NDST3: variants seen among roughly 807,000 people sequenced by gnomAD.
NDST3 encodes the protein bifunctional heparan sulfate N-deacetylase/N-sulfotransferase 3.
Under a neutral mutation model 96.1 loss-of-function variants are expected in NDST3, and 58 were observed. The ratio of observed to expected loss-of-function variants is 0.60; its 90% confidence interval spans 0.49 to 0.75. NDST3 has a LOEUF of 0.75. Among genes scored for constraint, NDST3 ranks in the 30% least tolerant of loss-of-function variants. NDST3 has a pLI of 0.00. For synonymous variants in NDST3, 333 were observed against 359.7 expected, an observed-to-expected ratio of 0.93 and a Z score of 0.84; for missense variants, 788 against 1,034.2, an observed-to-expected ratio of 0.76 and a Z score of 3.27.
At position 118,257,921 on chromosome 4, in the gene NDST3, G is replaced by A. The variant is rs932905573; in HGVS notation, c.*2209G>A. 1 of 152,174 alleles carries A rather than the reference G, an allele frequency of 6.6e-6. No individual in the cohort carries two copies. Among genetic ancestry groups the A allele is most frequent in the Non-Finnish European group, 1.5e-5 (1 of 68,030 alleles). The allele number at this position is 152,174 out of a possible 1,614,324, so 9.4% of individuals were successfully genotyped here. On this transcript the variant is annotated 3_prime_UTR_variant, in exon 14 of 14. Coordinates refer to ENST00000296499, the MANE Select transcript of NDST3 (RefSeq NM_004784.3). ...CACCAACTTAAGAAAACTGGCTTAG[G>A]AAGGTTAAACATGAGAATAGGCCTC... is the stretch of plus-strand genomic sequence containing the variant.
At chr4:118,094,238 G>A (rs1396908375) in intron 2 of NDST3, among the ~76,000 whole-genome samples, 3 of 151,862 alleles carry the variant, frequency 2.0e-5, no homozygotes, top group Admixed American at 6.6e-5. Context: ...CATCTGCAAT[G>A]TAATTCTAGT....
intron 4 of NDST3, among the ~76,000 whole-genome samples, chr4:118,130,932 C>T (rs1310476278): frequency 1.3e-5 from 2 of 152,202 alleles, no homozygotes; most frequent in South Asian, 2.1e-4. Context: ...GAAAAGTCTG[C>T]TTTCAGATGT....
chr4:118,167,914 A>G (rs1029215231), intron 6 of NDST3, among the ~76,000 whole-genome samples: 2 of 152,090 alleles, frequency 1.3e-5, no homozygotes, highest in African/African-American at 2.4e-5. Context: ...TCTATTTAAA[A>G]TGGATTAAAG....
intron 4 of NDST3, among the ~76,000 whole-genome samples, 169 bp downstream of exon 4, chr4:118,115,129 C>T (rs1730982807): frequency 6.6e-6 from 1 of 152,070 alleles, no homozygotes; most frequent in Non-Finnish European, 1.5e-5. Flanking sequence ...GTATTGAGTG[C>T]TCACCACTAT....
At chr4:118,152,972 G>C (rs957727514) in intron 6 of NDST3, among the ~76,000 whole-genome samples, 1 of 152,198 alleles carries the variant, frequency 6.6e-6, no homozygotes, top group South Asian at 2.1e-4. Context: ...TCCATTCTTG[G>C]TTCATATCCC....
chr4:118,124,485 G>A (rs1366104053), intron 4 of NDST3, among the ~76,000 whole-genome samples: 1 of 152,018 alleles, frequency 6.6e-6, no homozygotes, highest in African/African-American at 2.4e-5. Flanking sequence ...GGCAAATGAG[G>A]GAATTGAGGC....
intron 8 of NDST3, among the ~76,000 whole-genome samples, chr4:118,232,789 A>G (rs1438401122): frequency 2.0e-5 from 3 of 152,192 alleles, no homozygotes; most frequent in African/African-American, 4.8e-5. Flanking sequence ...ATTGAAAGCC[A>G]GTTCTCTCAA....
intron 6 of NDST3, among the ~76,000 whole-genome samples, chr4:118,157,781 G>A (rs1734812889): frequency 6.6e-6 from 1 of 152,028 alleles, no homozygotes; most frequent in East Asian, 1.9e-4. Flanking sequence ...TAAATGAAAA[G>A]GATGAGGGAG....
At chr4:118,072,365 G>A (rs1448949371) in intron 2 of NDST3, among the ~76,000 whole-genome samples, 7 of 151,964 alleles carry the variant, frequency 4.6e-5, no homozygotes, top group African/African-American at 7.3e-5. Flanking sequence ...TCATGAGCAC[G>A]GAATGCTATT....
In NDST3 at chr4:118,209,296, T is replaced by C. The variant is rs1355024934; in HGVS notation, c.1540-15195T>C. Among the ~76,000 whole-genome samples the C allele has an allele frequency of 3.3e-5, 5 of 152,202 alleles. 1 individual carries two copies. In the South Asian group the frequency reaches 8.3e-4, roughly 25 times the overall value. Reference sequence around the variant, plus strand: ...AAATCTATCATAAGAAGTAACTGTATTCATTATTCTGTCACTTTCTAACAC... The same window carrying C: ...AAATCTATCATAAGAAGTAACTGTACTCATTATTCTGTCACTTTCTAACAC... On this transcript the variant is annotated intron_variant, in intron 6 of 13. Coordinates refer to ENST00000296499, the MANE Select transcript of NDST3 (RefSeq NM_004784.3).
chr4:118,064,469 C>T (rs1272239119), intron 2 of NDST3, among the ~76,000 whole-genome samples: 1 of 152,110 alleles, frequency 6.6e-6, no homozygotes, highest in East Asian at 1.9e-4. Flanking sequence ...ATCTACTTGA[C>T]ATCATTTATA....
intron 1 of NDST3, among the ~76,000 whole-genome samples, 194 bp downstream of exon 1, chr4:118,034,786 G>A (rs911505021): frequency 6.6e-5 from 10 of 152,292 alleles, no homozygotes; most frequent in Non-Finnish European, 1.5e-4. Flanking sequence ...CTCATTCAGG[G>A]ATGATTTTAA....
At chr4:118,162,792 C>G (rs1362394159) in intron 6 of NDST3, among the ~76,000 whole-genome samples, 6 of 146,542 alleles carry the variant, frequency 4.1e-5, no homozygotes, top group South Asian at 2.2e-4. Flanking sequence ...GCAAAAGAAA[C>G]TACCATCAGC....
chr4:118,191,449 C>G (rs1361349645), intron 6 of NDST3, among the ~76,000 whole-genome samples: 3 of 152,108 alleles, frequency 2.0e-5, no homozygotes, highest in Non-Finnish European at 4.4e-5. Flanking sequence ...TTAAACTTAG[C>G]TATTGTTTCT....
intron 2 of NDST3, among the ~76,000 whole-genome samples, chr4:118,099,767 G>C (rs1729618190): frequency 1.3e-5 from 2 of 151,840 alleles, no homozygotes; most frequent in Admixed American, 1.3e-4. Context: ...TCCTCTAATT[G>C]TTCCTGAGGC....
chr4:118,041,464 G>A (rs1173163861), intron 1 of NDST3, among the ~76,000 whole-genome samples: 5 of 152,018 alleles, frequency 3.3e-5, no homozygotes, highest in African/African-American at 9.7e-5. Context: ...TAACTTTCTC[G>A]AACCTAACTA....
chr4:118,248,771 G>A (rs1419890996), intron 12 of NDST3, among the ~76,000 whole-genome samples: 1 of 152,160 alleles, frequency 6.6e-6, no homozygotes, highest in African/African-American at 2.4e-5. Context: ...GAATAGATGT[G>A]GGGAGATTTT....
At chr4:118,217,410 T>A (rs1739260603) in intron 6 of NDST3, among the ~76,000 whole-genome samples, 1 of 152,028 alleles carries the variant, frequency 6.6e-6, no homozygotes, top group South Asian at 2.1e-4. Flanking sequence ...GTATAGGAAG[T>A]TCAGGCCCAG....
At chr4:118,124,403 T>C (rs2125878518) in intron 4 of NDST3, among the ~76,000 whole-genome samples, 1 of 152,230 alleles carries the variant, frequency 6.6e-6, no homozygotes, top group Non-Finnish European at 1.5e-5. Flanking sequence ...AAATGGCATT[T>C]GACCAATAAC....
Sources: gnomAD v4.1 joint callset for allele counts (sites outside exome capture counted in the v4.1 genomes callset) on GRCh38, gnomAD v4.1.1 for gene constraint, MANE v1.5 for transcripts, NCBI Gene and HGNC (gene_info 2026-07-23, HGNC 2026-07-21) for gene names.